UBE3C: variants seen among roughly 807,000 people sequenced by gnomAD.
UBE3C encodes ubiquitin-protein ligase E3C.
UBE3C carries 42 observed loss-of-function variants against 129.4 expected under a neutral mutation model. The observed-to-expected ratio is 0.32, with a 90% confidence interval of 0.25 to 0.42. UBE3C has a LOEUF of 0.42. Among genes scored for constraint, UBE3C ranks in the 10% least tolerant of loss-of-function variants. The pLI is 1.00. For synonymous variants in UBE3C, 510 were observed against 492.4 expected, an observed-to-expected ratio of 1.04 and a Z score of -0.47; for missense variants, 1,049 against 1,319.1, an observed-to-expected ratio of 0.80 and a Z score of 3.17.
chr7:157,208,024 G>C (rs1809482882), intron 13 of UBE3C, 89 bp downstream of exon 13: 1 of 327,008 alleles, frequency 3.1e-6, no homozygotes, highest in African/African-American at 2.1e-5. Flanking sequence ...AAAAATGCAG[G>C]TTTGTTTCAG....
intron 5 of UBE3C, among the ~76,000 whole-genome samples, chr7:157,175,476 G>A (rs576185376): frequency 6.6e-6 from 1 of 152,278 alleles, no homozygotes; most frequent in Non-Finnish European, 1.5e-5. Context: ...AGCCACTGCC[G>A]TGACTTTCTT....
intron 4 of UBE3C, among the ~76,000 whole-genome samples, chr7:157,170,952 G>A (rs1171374019): frequency 6.6e-6 from 1 of 151,500 alleles, no homozygotes; most frequent in Non-Finnish European, 1.5e-5. Context: ...GACTACAGGT[G>A]TGTGTACACC....
At chr7:157,140,606 G>C (rs1008894211) in intron 1 of UBE3C, among the ~76,000 whole-genome samples, 3 of 152,218 alleles carry the variant, frequency 2.0e-5, no homozygotes, top group African/African-American at 7.2e-5. Flanking sequence ...TACAAGTTCG[G>C]AAGGTGAGCT....
At chr7:157,254,679 G>A (rs548057309) in intron 21 of UBE3C, among the ~76,000 whole-genome samples, 2 of 152,142 alleles carry the variant, frequency 1.3e-5, no homozygotes, top group Admixed American at 6.5e-5. Flanking sequence ...GATTATGGGC[G>A]TGAGCCACCA....
chr7:157,157,416 AAATT>A (rs1264683249), intron 1 of UBE3C, among the ~76,000 whole-genome samples: 1 of 152,172 alleles, frequency 6.6e-6, no homozygotes, highest in African/African-American at 2.4e-5. Context: ...TCAAATGAAA[AAATT>A]AAATGATTCA....
At chr7:157,249,314 TAG>T (rs1298897071) in intron 19 of UBE3C, among the ~76,000 whole-genome samples, 1 of 151,470 alleles carries the variant, frequency 6.6e-6, no homozygotes, top group Non-Finnish European at 1.5e-5. Flanking sequence ...TTCACATCGA[TAG>T]AGTCTTTTTT....
intron 22 of UBE3C, chr7:157,262,976 TAAACTC>T (rs1057138731): frequency 1.2e-4 from 18 of 152,204 alleles, no homozygotes; most frequent in African/African-American, 3.9e-4. Flanking sequence ...TTTTTGAACA[TAAACTC>T]AAGATTGTAT....
At position 157,187,025 on chromosome 7, in the gene UBE3C, A is replaced by G; in HGVS notation, c.1331+4A>G. The G allele has an allele frequency of 1.9e-6, 3 of 1,595,404 alleles. No homozygotes were observed. Among genetic ancestry groups the G allele is most frequent in the Non-Finnish European group, 1.7e-6 (2 of 1,170,650 alleles). The stretch of plus-strand genomic sequence containing the variant: ...GCATGATGGTACCCAAAGTCAGGCA[A>G]GTGTCCGTGGGCGTCTGTGCCAGGG... On this transcript the variant is annotated splice_donor_region_variant and intron_variant, in intron 10 of 22. Transcript: ENST00000348165.
At chr7:157,143,708 T>TG (rs1807523058) in intron 1 of UBE3C, among the ~76,000 whole-genome samples, 1 of 152,136 alleles carries the variant, frequency 6.6e-6, no homozygotes, top group Admixed American at 6.5e-5. Flanking sequence ...CTGGGGTAGA[T>TG]TCTTCAAGAA....
At chr7:157,267,478 A>G (rs926089983) in intron 22 of UBE3C, 107 bp from the exon 23 acceptor site, 11 of 1,332,024 alleles carry the variant, frequency 8.3e-6, no homozygotes, top group East Asian at 7.2e-5. Flanking sequence ...TGTGACTGCA[A>G]TGGTAACTTT....
chr7:157,171,675 T>TAC (rs1808371853), intron 4 of UBE3C, among the ~76,000 whole-genome samples: 1 of 31,594 alleles, frequency 3.2e-5, no homozygotes, highest in Non-Finnish European at 7.6e-5. Flanking sequence ...TATATATATA[T>TAC]ATATATATAT....
intron 14 of UBE3C, among the ~76,000 whole-genome samples, chr7:157,220,430 T>G (rs1320892220): frequency 6.6e-6 from 1 of 152,246 alleles, no homozygotes; most frequent in Non-Finnish European, 1.5e-5. Flanking sequence ...GTTTAGATAT[T>G]ATGCACCATC....
At chr7:157,250,822 AT>A (rs1431056585) in intron 19 of UBE3C, among the ~76,000 whole-genome samples, 2 of 152,198 alleles carry the variant, frequency 1.3e-5, no homozygotes, top group African/African-American at 4.8e-5. Flanking sequence ...TGATTTCTAA[AT>A]GGCATAAAAG....
chr7:157,182,339 C>A lies in UBE3C; in HGVS notation c.991+11C>A, dbSNP rs1277412414. On this transcript the variant is annotated intron_variant, in intron 8 of 22. Coordinates refer to ENST00000348165, the MANE Select transcript of UBE3C (RefSeq NM_014671.3). ...GCGAAAATTATTTGGGTATGAAATA[C>A]AAGATCTTTTTTACCTGAACACACA... The A allele has an allele frequency of 1.9e-6, 3 of 1,612,134 alleles. No homozygotes were observed. The Admixed American group carries it at 5.0e-5, about 27-fold the overall frequency.
chr7:157,267,564 T>C lies in UBE3C; in HGVS notation c.3082-21T>C, dbSNP rs1314543515. 4 of 1,612,444 alleles carry C rather than the reference T, an allele frequency of 2.5e-6. No homozygotes were observed. The East Asian group carries it at 8.9e-5, about 36-fold the overall frequency. ...TGCCATGCTTGTTACAGTGACATCT[T>C]GCACACATGCTGTTTTTCAGGAGTT... On this transcript the variant is annotated intron_variant, in intron 22 of 22. Coordinates refer to ENST00000348165, the MANE Select transcript of UBE3C (RefSeq NM_014671.3).
At chr7:157,153,953 C>T (rs541105841) in intron 1 of UBE3C, among the ~76,000 whole-genome samples, 77 of 151,884 alleles carry the variant, frequency 5.1e-4, no homozygotes, top group Non-Finnish European at 8.4e-4. Context: ...GCCAAGACCG[C>T]GCCACTGCAC....
chr7:157,251,692 G>A (rs1292969622), intron 19 of UBE3C, among the ~76,000 whole-genome samples: 1 of 152,198 alleles, frequency 6.6e-6, no homozygotes, highest in Non-Finnish European at 1.5e-5. Context: ...AACTGCTCCA[G>A]TTAAATATAT....
chr7:157,158,675 A>G (rs1011180603), intron 1 of UBE3C, among the ~76,000 whole-genome samples: 1 of 152,232 alleles, frequency 6.6e-6, no homozygotes, highest in African/African-American at 2.4e-5. Context: ...GGTTCTGTTC[A>G]CTAGAGACTG....
intron 18 of UBE3C, among the ~76,000 whole-genome samples, chr7:157,242,514 G>GTTTTT (rs33913991): frequency 3.6e-5 from 4 of 112,108 alleles, no homozygotes; most frequent in South Asian, 2.9e-4. Flanking sequence ...AGCCTGAGTT[G>GTTTTT]TTTTTTTTTT....
Sources: allele counts gnomAD v4.1 joint callset (sites outside exome capture counted in the v4.1 genomes callset), GRCh38; gene constraint gnomAD v4.1.1; transcripts MANE v1.5; gene names NCBI Gene and HGNC (gene_info 2026-07-23, HGNC 2026-07-21).